The following ARHGAP23 variants were observed in gnomAD, a reference collection of about 807,000 sequenced individuals.
ARHGAP23 encodes the protein rho GTPase-activating protein 23.
In ARHGAP23, 34 loss-of-function variants were observed where a neutral mutation model predicts 136.3. The ratio of observed to expected loss-of-function variants is 0.25; its 90% CI spans 0.19 to 0.33. The LOEUF (loss-of-function observed/expected upper bound fraction) is 0.33. ARHGAP23 is among the 10% of genes least tolerant of loss of function. The pLI is 1.00. For synonymous variants in ARHGAP23, 832 were observed against 920.5 expected (o/e 0.90, Z 1.74); for missense variants, 1,808 against 2,139.0 (o/e 0.85, Z 3.05).
intron 2 of ARHGAP23, 102 bp from the exon 3 acceptor site, chr17:38,460,803 G>C (rs2039441449): frequency 6.5e-7 from 1 of 1,534,722 alleles, no homozygotes; most frequent in South Asian, 1.2e-5. Context: ...GAGGAGATAA[G>C]GGGTGGCGGG....
upstream of ARHGAP23, among the ~76,000 whole-genome samples, chr17:38,423,532 T>G (rs11078982): frequency 1.3e-5 from 2 of 151,734 alleles, no homozygotes; most frequent in Non-Finnish European, 2.9e-5. Context: ...CCACCACGCC[T>G]GGCTAAGTTT....
chr17:38,454,306 G>A (rs68188617), intron 1 of ARHGAP23, among the ~76,000 whole-genome samples: 1 of 152,052 alleles, frequency 6.6e-6, no homozygotes, highest in African/African-American at 2.4e-5. Flanking sequence ...TGGGGCTGAG[G>A]GTGGCAGGAT....
chr17:38,448,931 A>C (rs1597763907), intron 1 of ARHGAP23, among the ~76,000 whole-genome samples: 3 of 130,524 alleles, frequency 2.3e-5, no homozygotes, highest in Admixed American at 8.3e-5. Context: ...GATCCTCCCC[A>C]CCTCAGCCTC....
chr17:38,455,769 C>T (rs1286368079), intron 1 of ARHGAP23, among the ~76,000 whole-genome samples: 5 of 152,194 alleles, frequency 3.3e-5, no homozygotes, highest in Non-Finnish European at 7.3e-5. Context: ...AGACCCTTTT[C>T]GCTCCCTGAT....
In ARHGAP23 at chr17:38,477,628, G is replaced by A. The variant is rs768576450; in HGVS notation, c.2168G>A (p.Arg723Gln). The A allele has an allele frequency of 1.0e-5, 13 of 1,273,292 alleles. No homozygotes were observed. The highest frequency in any genetic ancestry group is 1.3e-5 in the Non-Finnish European group (13 of 1,004,200). The allele number at this position is 1,273,292 out of a possible 1,614,324, so 78.9% of individuals were successfully genotyped here. A position where few individuals can be genotyped will look rare whatever the true frequency, so the allele number is the denominator to read the frequency against. The part of the protein sequence containing the change: ...RQWKRVYAAL[R>Q]ARSLSLSKER... ...TGGAAGCGGGTGTACGCCGCGCTGC[G>A]GGCGCGCTCGCTCTCGCTGAGCAAG... Residue 723 changes from arginine (R) to glutamine (Q), a missense_variant, in exon 12 of 24, where the codon CGG (arginine) becomes CAG (glutamine). This residue lies in a region of ARHGAP23 where 139 missense variants were observed against 264.3 expected (regional missense o/e 0.53). Coordinates refer to ENST00000622683, the MANE Select transcript of ARHGAP23 (RefSeq NM_001199417.2). This position sits in a 1 kb window ranked among gnomAD's most constrained non-coding sequence, Gnocchi z 6.6.
intron 18 of ARHGAP23, 21 bp downstream of exon 18, chr17:38,490,196 T>C (rs2040244162): frequency 6.5e-7 from 1 of 1,549,760 alleles, no homozygotes; most frequent in Admixed American, 2.0e-5. Flanking sequence ...AGAGGTGCTG[T>C]CAGACACGAG....
chr17:38,431,442 G>A (rs992828392), intron 1 of ARHGAP23, among the ~76,000 whole-genome samples: 7 of 152,090 alleles, frequency 4.6e-5, no homozygotes, highest in African/African-American at 7.2e-5. Context: ...TCACCATCTC[G>A]GGAGAGAGAC....
At chr17:38,493,371 T>C (rs1309801747) in intron 20 of ARHGAP23, among the ~76,000 whole-genome samples, 1 of 152,028 alleles carries the variant, frequency 6.6e-6, no homozygotes, top group Non-Finnish European at 1.5e-5. Context: ...TTGTATTCTT[T>C]TGTAGAGATG....
At position 38,467,657 on chromosome 17, in the gene ARHGAP23, TCC is replaced by T. The variant is rs1298840116; in HGVS notation, c.1648+328_1648+329del. On this transcript the variant is annotated intron_variant, in intron 7 of 23. Transcript: ENST00000622683. ...CTTCCTTCCTTCTTTCCTTCCTCTC[TCC>T]CTCCTTTGTTCATTCATTTGTTCCA... Among the ~76,000 whole-genome samples the T allele has an allele frequency of 1.2e-4, 19 of 152,156 alleles. No homozygotes were observed. In the East Asian group the frequency reaches 3.7e-3, roughly 29 times the overall value.
intron 23 of ARHGAP23, among the ~76,000 whole-genome samples, chr17:38,507,105 C>T (rs956462527): frequency 1.2e-4 from 19 of 152,128 alleles, no homozygotes; most frequent in African/African-American, 4.6e-4. Context: ...GAAACCCCGT[C>T]TCTACTAAAA....
intron 11 of ARHGAP23, among the ~76,000 whole-genome samples, chr17:38,472,808 C>T (rs1481202884): frequency 6.6e-6 from 1 of 152,242 alleles, no homozygotes; most frequent in Non-Finnish European, 1.5e-5. Context: ...ACTCAGTGTC[C>T]TCTCCTGTAA....
intron 3 of ARHGAP23, among the ~76,000 whole-genome samples, chr17:38,462,014 G>T (rs1488211143): frequency 6.7e-6 from 1 of 148,692 alleles, no homozygotes. Context: ...GTGCAGTGGT[G>T]CTATCCGGGC....
At chr17:38,449,704 G>A (rs2039116985) in intron 1 of ARHGAP23, among the ~76,000 whole-genome samples, 2 of 152,196 alleles carry the variant, frequency 1.3e-5, no homozygotes, top group South Asian at 4.1e-4. Context: ...AGTGGTCATG[G>A]GTCTGCGTTT....
At position 38,466,393 on chromosome 17, in the gene ARHGAP23, G is replaced by T. The variant is rs577820928; in HGVS notation, c.710G>T (p.Arg237Leu). ...GGGCTCCGTGTGCCACCTGCTGCCCGTGCCCACCTGGACAACTCTTCCTTG... is the reference window on the plus strand; with the variant it reads ...GGGCTCCGTGTGCCACCTGCTGCCCTTGCCCACCTGGACAACTCTTCCTTG... ...DPGLRVPPAA[R>L]AHLDNSSLGM... The change falls in exon 7 of 24, where the codon CGT (arginine) becomes CTT (leucine). Residue 237 changes from arginine (R) to leucine (L), a missense_variant. Around this residue, in one of 7 missense-constraint regions of ARHGAP23, gnomAD observed 859 missense variants for 936.4 expected, o/e 0.92. Transcript: ENST00000622683. 16 of 1,534,220 alleles carry T rather than the reference G, an allele frequency of 1.0e-5. No homozygotes were observed. Among genetic ancestry groups the T allele is most frequent in the South Asian group, 7.2e-5 (6 of 83,402 alleles).
chr17:38,427,928 G>C (rs935280221), upstream of ARHGAP23, among the ~76,000 whole-genome samples: 2 of 152,106 alleles, frequency 1.3e-5, no homozygotes, highest in Non-Finnish European at 2.9e-5. Context: ...GCCTTTTTCT[G>C]TCTTCCCCCC....
rs1390346878 is a variant in ARHGAP23 at position 38,510,316 on chromosome 17, G to T, written c.3820G>T (p.Glu1274Ter). The T allele has an allele frequency of 7.9e-7, 1 of 1,267,016 alleles. No individual in the cohort carries two copies. The highest frequency in any genetic ancestry group is 9.9e-7 in the Non-Finnish European group (1 of 1,007,496). 78.5% of individuals were successfully genotyped at this position (1,267,016 alleles called of 1,614,324 possible). ...ASGRRAGAGDEADDERSELSH... is the reference protein window; with the variant it reads ...ASGRRAGAGD Reference sequence around the variant, plus strand: ...CGGTCGGCGGGCAGGGGCGGGGGATGAGGCGGACGACGAGCGTAGCGAGCT... The same window carrying T: ...CGGTCGGCGGGCAGGGGCGGGGGATTAGGCGGACGACGAGCGTAGCGAGCT... Residue 1274 changes from glutamate to a stop codon, truncating the protein, a stop_gained, in exon 24 of 24, where the codon GAG becomes TAG. Transcript: ENST00000622683. LOFTEE classifies it high-confidence loss of function. This position sits in a 1 kb window ranked among gnomAD's most constrained non-coding sequence, Gnocchi z 4.6.
intron 11 of ARHGAP23, among the ~76,000 whole-genome samples, chr17:38,474,875 C>A (rs1174240052): frequency 6.6e-6 from 1 of 152,182 alleles, no homozygotes; most frequent in Non-Finnish European, 1.5e-5. Context: ...AGGAGAGCCA[C>A]GTGTGGGCCA....
At chr17:38,498,540 C>A in intron 22 of ARHGAP23, 30 bp downstream of exon 22, 1 of 1,494,820 alleles carries the variant, frequency 6.7e-7, no homozygotes, top group Non-Finnish European at 9.0e-7. Flanking sequence ...AGTGGGGAGG[C>A]GGGAGGTTGG....
In ARHGAP23 at chr17:38,435,953, C is replaced by T. The variant is rs528583051; in HGVS notation, c.63+7405C>T. ...CCTCTTCTGGAGGTGTGGCCCTGGG[C>T]TCCTCCCCAAGAGAGGTGGAGGAGG... On this transcript the variant is annotated intron_variant, in intron 1 of 23. Transcript: ENST00000622683. Among the ~76,000 whole-genome samples the T allele has an allele frequency of 2.0e-5, 3 of 152,278 alleles. No homozygotes were observed. The East Asian group carries it at 5.8e-4, about 29-fold the overall frequency.
Sources: allele counts gnomAD v4.1 joint callset (sites outside exome capture counted in the v4.1 genomes callset), GRCh38; gene constraint gnomAD v4.1.1; regional missense constraint gnomAD v4.1.1; non-coding constraint Gnocchi (gnomAD v3.1); transcripts MANE v1.5; gene names NCBI Gene and HGNC (gene_info 2026-07-23, HGNC 2026-07-21).